The following ZNF423 variants were observed in gnomAD, a reference collection of about 807,000 sequenced individuals.
ZNF423 encodes the protein zinc finger protein 423.
Under a neutral mutation model 95.8 loss-of-function variants are expected in ZNF423, and 12 were observed. The observed-to-expected ratio is 0.13, with a 90% CI of 0.08 to 0.20. The LOEUF (loss-of-function observed/expected upper bound fraction) is 0.20, where lower values mean the gene tolerates loss of function less well. Among genes scored for constraint, ZNF423 ranks in the 10% least tolerant of loss-of-function variants. ZNF423 has a pLI of 1.00. For synonymous variants in ZNF423, 749 were observed against 711.9 expected (o/e 1.05, Z -0.83); for missense variants, 1,316 against 1,737.1 (o/e 0.76, Z 4.31).
At chr16:49,634,806 C>T (rs938586417) in intron 4 of ZNF423, among the ~76,000 whole-genome samples, 1 of 152,214 alleles carries the variant, frequency 6.6e-6, no homozygotes, top group Non-Finnish European at 1.5e-5. Flanking sequence ...GGTTGCCCCT[C>T]AGCCCCTGTA....
Position 49,686,172 on chromosome 16 carries a change from T to C in ZNF423, c.301+44599A>G, listed in dbSNP as rs183594989. ...GCTCCACAGGGGGAGAGTCCAGGCCTGTCCAGCTCACTGTTGTATGCCCAG... is the reference window on the plus strand; with the variant it reads ...GCTCCACAGGGGGAGAGTCCAGGCCCGTCCAGCTCACTGTTGTATGCCCAG... On this transcript the variant is annotated intron_variant, in intron 3 of 7. Coordinates refer to ENST00000563137, the MANE Select transcript of ZNF423 (RefSeq NM_001379286.1). 1.4e-4 allele frequency among the ~76,000 whole-genome samples: 21 copies of C among 152,332 alleles called. No individual in the cohort carries two copies. The East Asian group carries it at 2.9e-3, about 21-fold the overall frequency.
rs71380366 is a variant in ZNF423 at position 49,646,574 on chromosome 16, C to CTTTTTTTTTTTTTTT, written c.302-7701_302-7700insAAAAAAAAAAAAAAA. Among the ~76,000 whole-genome samples the CTTTTTTTTTTTTTTT allele has an allele frequency of 2.4e-3, 286 of 117,900 alleles. 15 individuals carry two copies. The highest frequency in any genetic ancestry group is 7.2e-3 in the African/African-American group (243 of 33,554). 77.3% of individuals were successfully genotyped at this position (117,900 alleles called of 152,430 possible). A position where few individuals can be genotyped will look rare whatever the true frequency, so the allele number is the denominator to read the frequency against. ...TTATGGCACATTTTCTTTTCTTTTTCTTTTTTTTTTTTTTGAGAAGGAGTC... is the reference window on the plus strand; with the variant it reads ...TTATGGCACATTTTCTTTTCTTTTTCTTTTTTTTTTTTTTTTTTTTTTTTTTTTTGAGAAGGAGTC... On this transcript the variant is annotated intron_variant, in intron 3 of 7. Coordinates refer to ENST00000563137, the MANE Select transcript of ZNF423 (RefSeq NM_001379286.1).
At chr16:49,505,436 C>A (rs562717005) in intron 7 of ZNF423, among the ~76,000 whole-genome samples, 1 of 152,296 alleles carries the variant, frequency 6.6e-6, no homozygotes, top group African/African-American at 2.4e-5. Flanking sequence ...GTCCTACAGA[C>A]TAAGAACTGT....
At chr16:49,663,281 G>A (rs904727118) in intron 3 of ZNF423, among the ~76,000 whole-genome samples, 1 of 152,148 alleles carries the variant, frequency 6.6e-6, no homozygotes, top group African/African-American at 2.4e-5. Context: ...ACCTAAGTTT[G>A]CCATCTCGGT....
At chr16:49,832,676 T>C (rs2035073476) in intron 1 of ZNF423, among the ~76,000 whole-genome samples, 1 of 152,168 alleles carries the variant, frequency 6.6e-6, no homozygotes, top group Non-Finnish European at 1.5e-5. Context: ...ACAGGGCACA[T>C]GGTGAACTGA....
intron 5 of ZNF423, among the ~76,000 whole-genome samples, chr16:49,548,933 G>C (rs1386099019): frequency 1.3e-5 from 2 of 152,176 alleles, no homozygotes; most frequent in Non-Finnish European, 2.9e-5. Context: ...ACACTGGTCT[G>C]ACCAGGCAGC....
At chr16:49,732,739 G>C (rs551048429) in intron 2 of ZNF423, among the ~76,000 whole-genome samples, 1 of 152,218 alleles carries the variant, frequency 6.6e-6, no homozygotes, top group Non-Finnish European at 1.5e-5. Context: ...TTTGGAAACA[G>C]ATAATGTTAT....
At chr16:49,538,496 CA>C (rs1433701679) in intron 5 of ZNF423, among the ~76,000 whole-genome samples, 4 of 152,232 alleles carry the variant, frequency 2.6e-5, no homozygotes, top group Admixed American at 2.6e-4. Context: ...CATTCAGACA[CA>C]CTGCCTGGAT....
intron 1 of ZNF423, among the ~76,000 whole-genome samples, chr16:49,807,232 C>G (rs1309401650): frequency 6.6e-6 from 1 of 151,922 alleles, no homozygotes; most frequent in Non-Finnish European, 1.5e-5. Context: ...GAGATCGAGA[C>G]CATCCTGGCT....
At chr16:49,754,579 G>A (rs529783915) in intron 2 of ZNF423, among the ~76,000 whole-genome samples, 1 of 152,310 alleles carries the variant, frequency 6.6e-6, no homozygotes, top group East Asian at 1.9e-4. Context: ...AAGCTGTCAG[G>A]TCTGCCCTAT....
intron 5 of ZNF423, among the ~76,000 whole-genome samples, chr16:49,536,432 G>GTTT (rs767808121): frequency 1.0e-4 from 13 of 126,788 alleles, no homozygotes; most frequent in South Asian, 2.6e-4. Context: ...TTTCTGGGTG[G>GTTT]TTTTTTTTTT....
chr16:49,493,031 G>A (rs534239014), intron 7 of ZNF423, among the ~76,000 whole-genome samples: 29 of 152,274 alleles, frequency 1.9e-4, no homozygotes, highest in African/African-American at 6.0e-4. Context: ...GGTCGGGGGC[G>A]TCAGGGACCC....
chr16:49,593,447 A>T (rs1270838453), intron 5 of ZNF423, among the ~76,000 whole-genome samples: 2 of 151,696 alleles, frequency 1.3e-5, no homozygotes, highest in African/African-American at 4.8e-5. Flanking sequence ...AAAAAAAAAA[A>T]TTTCTCTGCC....
At chr16:49,662,724 C>G (rs2030307615) in intron 3 of ZNF423, among the ~76,000 whole-genome samples, 1 of 152,220 alleles carries the variant, frequency 6.6e-6, no homozygotes, top group African/African-American at 2.4e-5. Flanking sequence ...GACAAGGCGA[C>G]ACTTGAGCAG....
chr16:49,818,895 T>A (rs951840131), intron 1 of ZNF423, among the ~76,000 whole-genome samples: 53 of 152,000 alleles, frequency 3.5e-4, no homozygotes, highest in Admixed American at 1.6e-3. Context: ...TCTAAAAAAA[T>A]AATAATAATA....
chr16:49,750,149 G>C (rs2033607281), intron 2 of ZNF423, among the ~76,000 whole-genome samples: 1 of 152,170 alleles, frequency 6.6e-6, no homozygotes, highest in African/African-American at 2.4e-5. Flanking sequence ...GTCACATCGG[G>C]GCTGCTTCCT....
chr16:49,745,910 G>A (rs2033513411), intron 2 of ZNF423, among the ~76,000 whole-genome samples: 1 of 152,296 alleles, frequency 6.6e-6, no homozygotes, highest in Admixed American at 6.5e-5. Context: ...GGGACCCAGT[G>A]AACTATCCCC....
chr16:49,689,532 G>A (rs2031699157), intron 3 of ZNF423, among the ~76,000 whole-genome samples: 2 of 152,088 alleles, frequency 1.3e-5, no homozygotes, highest in Admixed American at 1.3e-4. Flanking sequence ...AACATTAAAA[G>A]CGTGCCCCAC....
intron 5 of ZNF423, among the ~76,000 whole-genome samples, chr16:49,619,165 T>C (rs978552655): frequency 2.6e-5 from 4 of 152,186 alleles, no homozygotes; most frequent in Middle Eastern, 3.2e-3. Context: ...AATACCCAGA[T>C]TGGGCAACAT....
Sources: gnomAD v4.1 joint callset for allele counts (sites outside exome capture counted in the v4.1 genomes callset) on GRCh38, gnomAD v4.1.1 for gene constraint, MANE v1.5 for transcripts, NCBI Gene and HGNC (gene_info 2026-07-23, HGNC 2026-07-21) for gene names.